The following GUCY2C variants were observed in gnomAD, a reference collection of about 807,000 sequenced individuals.
The protein encoded by GUCY2C is guanylyl cyclase C.
In GUCY2C, 118 loss-of-function variants were observed where a neutral mutation model predicts 131.1. That is an observed-to-expected ratio of 0.90 (90% confidence interval 0.78 to 1.05). The LOEUF is 1.05. GUCY2C is among the 50% of genes least tolerant of loss of function. The probability of loss-of-function intolerance (pLI) is 0.00; values close to 1 mark genes in which losing one functional copy is unlikely to be tolerated. For synonymous variants in GUCY2C, 452 were observed against 457.8 expected, an observed-to-expected ratio of 0.99 and a Z score of 0.16; for missense variants, 1,161 against 1,304.4, an observed-to-expected ratio of 0.89 and a Z score of 1.69.
intron 10 of GUCY2C, chr12:14,665,810 CAG>C (rs1185205105): frequency 6.6e-6 from 1 of 152,192 alleles, no homozygotes; most frequent in Non-Finnish European, 1.5e-5. Context: ...TGTGTACACA[CAG>C]ATGCAAGTTC....
chr12:14,615,561 C>T (rs1003480631), intron 25 of GUCY2C, among the ~76,000 whole-genome samples: 1 of 150,586 alleles, frequency 6.6e-6, no homozygotes, highest in African/African-American at 2.4e-5. Context: ...GCCAGTGAAC[C>T]ACTATTTTTA....
intron 15 of GUCY2C, among the ~76,000 whole-genome samples, chr12:14,650,992 A>G (rs1248109403): frequency 2.0e-5 from 3 of 152,134 alleles, no homozygotes; most frequent in African/African-American, 7.2e-5. Flanking sequence ...CAACTCCCAG[A>G]TGATCCTCAG....
intron 23 of GUCY2C, chr12:14,619,661 C>T (rs572711074): frequency 4.8e-6 from 1 of 207,844 alleles, no homozygotes; most frequent in East Asian, 1.2e-4. Flanking sequence ...ACCACACAAC[C>T]CTGAATTTCA....
At chr12:14,679,417 C>T (rs1443060629) in intron 6 of GUCY2C, among the ~76,000 whole-genome samples, 2 of 152,028 alleles carry the variant, frequency 1.3e-5, no homozygotes, top group Non-Finnish European at 2.9e-5. Context: ...CATGTGGGTT[C>T]AATGGGGCTA....
At chr12:14,689,223 G>A (rs1459165539) in intron 1 of GUCY2C, among the ~76,000 whole-genome samples, 3 of 152,124 alleles carry the variant, frequency 2.0e-5, no homozygotes, top group African/African-American at 7.2e-5. Context: ...GTAGGAAATT[G>A]ATAAATGCAA....
chr12:14,665,661 G>A (rs1413281809), intron 10 of GUCY2C: 1 of 152,190 alleles, frequency 6.6e-6, no homozygotes, highest in Non-Finnish European at 1.5e-5. Flanking sequence ...GGATGAGGAC[G>A]GGCACCAAAT....
Position 14,681,378 on chromosome 12 carries a change from C to T in GUCY2C, c.711G>A (p.Met237Ile). 6.2e-7 allele frequency: 1 copy of T among 1,612,718 alleles called. No individual in the cohort carries two copies. The change falls in exon 5 of 27, where the codon ATG becomes ATA. Residue 237 changes from methionine to isoleucine, a missense_variant. Physicochemically the swap from Met to Ile is conservative, Grantham distance 10. Coordinates refer to ENST00000261170, the MANE Select transcript of GUCY2C (RefSeq NM_004963.4). ...RQDKEFQDILMDHNRKSNVII... is the reference protein window; with the variant it reads ...RQDKEFQDILIDHNRKSNVII... Reference sequence around the variant, plus strand: ...TACCATTGCTTTTCCTGTTGTGGTCCATTAAGATATCCTGAAACTCCTTAT... The same window carrying T: ...TACCATTGCTTTTCCTGTTGTGGTCTATTAAGATATCCTGAAACTCCTTAT...
At chr12:14,669,285 G>A (rs980007456) in intron 10 of GUCY2C, among the ~76,000 whole-genome samples, 1 of 150,236 alleles carries the variant, frequency 6.7e-6, no homozygotes. Context: ...GCTCATTGCA[G>A]CCTCAACTTC....
intron 15 of GUCY2C, among the ~76,000 whole-genome samples, chr12:14,647,943 TTTAC>T (rs1314256343): frequency 2.6e-5 from 2 of 77,754 alleles, no homozygotes; most frequent in Non-Finnish European, 5.2e-5. Flanking sequence ...ATATCATCTT[TTTAC>T]TTATTTATTT....
At chr12:14,655,988 G>A (rs1368045435) in intron 12 of GUCY2C, among the ~76,000 whole-genome samples, 1 of 152,182 alleles carries the variant, frequency 6.6e-6, no homozygotes, top group Non-Finnish European at 1.5e-5. Flanking sequence ...TGATAATAAA[G>A]CTTAATTTTG....
intron 4 of GUCY2C, 142 bp from the exon 5 acceptor site, chr12:14,681,619 A>G (rs1274916240): frequency 3.1e-6 from 2 of 655,732 alleles, no homozygotes; most frequent in Non-Finnish European, 2.6e-6. Context: ...AGCACACACC[A>G]TGATACCACT....
intron 17 of GUCY2C, 71 bp downstream of exon 17, chr12:14,643,503 C>G: frequency 7.0e-7 from 1 of 1,421,932 alleles, no homozygotes. Flanking sequence ...ATTACAATTT[C>G]CTGACCACGC....
chr12:14,663,937 G>A (rs1339682067), intron 10 of GUCY2C, among the ~76,000 whole-genome samples: 1 of 152,142 alleles, frequency 6.6e-6, no homozygotes, highest in Non-Finnish European at 1.5e-5. Context: ...TGTGCCATTA[G>A]GGGTCTCATG....
rs1946693459 is a variant in GUCY2C, at chr12:14,613,487, T to A, written c.3048-196A>T. Among the ~76,000 whole-genome samples the A allele has an allele frequency of 6.6e-6, 1 of 152,112 alleles. No homozygotes were observed. The highest frequency in any genetic ancestry group is 2.1e-4 in the South Asian group (1 of 4,828). ...AAAACTGTTATCTCTGCTAGGAAAT[T>A]AGGCTTCAATTTCAAAGTGAAACAA... On this transcript the variant is annotated intron_variant, in intron 26 of 26. Coordinates refer to ENST00000261170, the MANE Select transcript of GUCY2C (RefSeq NM_004963.4). This position sits in a 1 kb window ranked among gnomAD's most constrained non-coding sequence, Gnocchi z 4.9.
At chr12:14,658,142 C>T (rs911397834) in intron 11 of GUCY2C, among the ~76,000 whole-genome samples, 9 of 152,014 alleles carry the variant, frequency 5.9e-5, no homozygotes, top group East Asian at 5.8e-4. Flanking sequence ...TAATTTTGCT[C>T]ATTTTTTCCT....
intron 12 of GUCY2C, among the ~76,000 whole-genome samples, chr12:14,654,472 C>T (rs1298201429): frequency 6.6e-6 from 1 of 152,150 alleles, no homozygotes; most frequent in Non-Finnish European, 1.5e-5. Context: ...ACAATGATCA[C>T]ATGATCAAAA....
intron 24 of GUCY2C, 165 bp downstream of exon 24, chr12:14,619,046 T>G: frequency 1.8e-6 from 1 of 543,964 alleles, no homozygotes; most frequent in South Asian, 2.9e-5. Context: ...TGAAAGCAAA[T>G]GTAGCAAAAG....
At chr12:14,634,099 G>T (rs1238617322) in intron 19 of GUCY2C, among the ~76,000 whole-genome samples, 2 of 152,128 alleles carry the variant, frequency 1.3e-5, no homozygotes, top group African/African-American at 4.8e-5. Context: ...TAGTCAAATT[G>T]TCAAAAGTTA....
intron 18 of GUCY2C, 29 bp from the exon 19 acceptor site, chr12:14,639,979 A>C (rs1947359843): frequency 7.5e-7 from 1 of 1,329,624 alleles, no homozygotes; most frequent in Non-Finnish European, 1.1e-6. Flanking sequence ...TATAAATTAC[A>C]AAGAAGAATA....
Sources: allele counts gnomAD v4.1 joint callset (sites outside exome capture counted in the v4.1 genomes callset), GRCh38; gene constraint gnomAD v4.1.1; non-coding constraint Gnocchi (gnomAD v3.1); transcripts MANE v1.5; gene names NCBI Gene and HGNC (gene_info 2026-07-23, HGNC 2026-07-21).